Variants in RALGAPB observed in about 807,000 individuals in gnomAD.
RALGAPB encodes ral GTPase-activating protein subunit beta.
A neutral mutation model predicts 161.1 loss-of-function variants in RALGAPB; 25 were observed. The observed-to-expected ratio is 0.16, with a 90% confidence interval of 0.11 to 0.22. The LOEUF (loss-of-function observed/expected upper bound fraction) is 0.22. RALGAPB is among the 10% of genes least tolerant of loss of function. The pLI is 1.00. For synonymous variants in RALGAPB, 629 were observed against 626.1 expected, an observed-to-expected ratio of 1.00 and a Z score of -0.07; for missense variants, 1,391 against 1,815.2, an observed-to-expected ratio of 0.77 and a Z score of 4.25.
intron 13 of RALGAPB, among the ~76,000 whole-genome samples, chr20:38,530,601 CTTT>C (rs761028236): frequency 7.1e-6 from 1 of 140,952 alleles, no homozygotes. Flanking sequence ...TTTTCTTTCT[CTTT>C]TTTTTTTTTT....
At chr20:38,520,524 C>CTTTTTTTTTTTTTTT (rs775371608) in intron 9 of RALGAPB, among the ~76,000 whole-genome samples, 1 of 70,304 alleles carries the variant, frequency 1.4e-5, no homozygotes, top group African/African-American at 5.8e-5. Flanking sequence ...TGTGTTTTGG[C>CTTTTTTTTTTTTTTT]TTTTTTTTTT....
chr20:38,522,584 T>C (rs774526109), intron 10 of RALGAPB, among the ~76,000 whole-genome samples: 1 of 152,142 alleles, frequency 6.6e-6, no homozygotes, highest in Non-Finnish European at 1.5e-5. Flanking sequence ...AGTGCAGAAG[T>C]GAGGTTAATA....
rs1401256684 is a variant in RALGAPB, at chr20:38,559,062, T to TA, written c.3531+610dup. 2.0e-5 allele frequency among the ~76,000 whole-genome samples: 3 copies of TA among 152,342 alleles called. No individual in the cohort carries two copies. The East Asian group carries it at 5.8e-4, about 29-fold the overall frequency. On this transcript the variant is annotated intron_variant, in intron 23 of 29. Transcript: ENST00000262879. ...CAGAATTAATGAAAACTATGATGCT[T>TA]AGAGTCCTGAGTCTTTTGACCCTTA...
At chr20:38,535,257 T>C (rs780764284) in intron 16 of RALGAPB, 50 bp downstream of exon 16, 33 of 1,586,778 alleles carry the variant, frequency 2.1e-5, no homozygotes, top group Non-Finnish European at 2.6e-5. Context: ...GGGCCTTGGC[T>C]GTTTTTTCTG....
intron 22 of RALGAPB, among the ~76,000 whole-genome samples, chr20:38,556,626 C>T (rs192239976): frequency 1.3e-5 from 2 of 151,972 alleles, no homozygotes; most frequent in East Asian, 1.9e-4. Flanking sequence ...TGTACAAGAC[C>T]TAGAGGAAGA....
intron 5 of RALGAPB, among the ~76,000 whole-genome samples, chr20:38,500,528 C>G (rs575765654): frequency 2.0e-5 from 3 of 152,210 alleles, no homozygotes; most frequent in Non-Finnish European, 4.4e-5. Flanking sequence ...TTTTCCGTCT[C>G]TTTCCCACTC....
At chr20:38,523,938 C>T (rs781096807) in intron 10 of RALGAPB, among the ~76,000 whole-genome samples, 7 of 152,114 alleles carry the variant, frequency 4.6e-5, no homozygotes, top group African/African-American at 4.8e-5. Context: ...ATTTGGCAAT[C>T]GAGAGCCCAT....
At chr20:38,532,012 A>G (rs2145341764) in intron 14 of RALGAPB, among the ~76,000 whole-genome samples, 1 of 152,162 alleles carries the variant, frequency 6.6e-6, no homozygotes, top group South Asian at 2.1e-4. Context: ...TGTATTTGAA[A>G]GTTGCCGTTT....
rs931860244 is a variant in RALGAPB, at chr20:38,564,807, G to C, written c.3698-552G>C. ...GAAATGCCTTAAAAGCAAGAGTCCA[G>C]AGATAACGCACATGTGCACTCTCTC... On this transcript the variant is annotated intron_variant, in intron 24 of 29. Coordinates refer to ENST00000262879, the MANE Select transcript of RALGAPB (RefSeq NM_020336.4). 3.3e-5 allele frequency among the ~76,000 whole-genome samples: 5 copies of C among 152,006 alleles called. No individual in the cohort carries two copies. The East Asian group carries it at 9.6e-4, about 29-fold the overall frequency.
At position 38,567,123 on chromosome 20, in the gene RALGAPB, A is replaced by G. The variant is rs1261995859; in HGVS notation, c.3845A>G (p.Asp1282Gly). 1.9e-6 allele frequency: 3 copies of G among 1,613,440 alleles called. No individual in the cohort carries two copies. Among genetic ancestry groups the G allele is most frequent in the Non-Finnish European group, 2.5e-6 (3 of 1,179,636 alleles). Residue 1282 changes from aspartate to glycine, a missense_variant, in exon 26 of 30, where the codon GAC becomes GGC. Around this residue, in one of 3 missense-constraint regions of RALGAPB, gnomAD observed 436 missense variants for 527.0 expected, o/e 0.83. Transcript: ENST00000262879. The stretch of plus-strand genomic sequence containing the variant: ...GATTCATTGGAAAGTAACATCTCGG[A>G]CCAAGATAGTGATTCAAATATGGAT... Reference protein sequence around the residue: ...LTDSLESNISDQDSDSNMDLM... With the variant: ...LTDSLESNISGQDSDSNMDLM...
At position 38,492,811 on chromosome 20, in the gene RALGAPB, T is replaced by G. The variant is rs920397776; in HGVS notation, c.187-119T>G. 11 of 748,710 alleles carry G rather than the reference T, an allele frequency of 1.5e-5. No homozygotes were observed. In the African/African-American group the frequency reaches 1.9e-4, roughly 13 times the overall value. 46.4% of individuals were successfully genotyped at this position (748,710 alleles called of 1,614,324 possible). On this transcript the variant is annotated intron_variant, in intron 2 of 29. Transcript: ENST00000262879. ...ATCTAAAATAAATCTGATATTTACGTTGAGACGAATATACTGTCAATTTAG... is the reference window on the plus strand; with the variant it reads ...ATCTAAAATAAATCTGATATTTACGGTGAGACGAATATACTGTCAATTTAG...
At chr20:38,528,837 C>T (rs1472430277) in intron 13 of RALGAPB, among the ~76,000 whole-genome samples, 3 of 152,110 alleles carry the variant, frequency 2.0e-5, no homozygotes, top group South Asian at 2.1e-4. Context: ...CCCGCCACCA[C>T]GCCCAGCTAA....
intron 5 of RALGAPB, among the ~76,000 whole-genome samples, chr20:38,507,645 C>G (rs930390344): frequency 1.3e-5 from 2 of 152,042 alleles, no homozygotes. Flanking sequence ...TCCCAGAGTG[C>G]TGGGATTGGA....
At chr20:38,476,787 A>G (rs2084815080) in intron 1 of RALGAPB, among the ~76,000 whole-genome samples, 1 of 152,222 alleles carries the variant, frequency 6.6e-6, no homozygotes, top group Non-Finnish European at 1.5e-5. Flanking sequence ...AAAATTGTCT[A>G]GCACAAAGCC....
intron 13 of RALGAPB, among the ~76,000 whole-genome samples, chr20:38,527,215 A>G (rs953451833): frequency 7.9e-5 from 12 of 152,198 alleles, no homozygotes; most frequent in Admixed American, 2.0e-4. Flanking sequence ...TTATCTGTTC[A>G]AAAGTGGGAT....
intron 28 of RALGAPB, among the ~76,000 whole-genome samples, chr20:38,571,729 G>T (rs1273654008): frequency 6.6e-6 from 1 of 152,116 alleles, no homozygotes; most frequent in African/African-American, 2.4e-5. Context: ...CCCTGAAGTG[G>T]GATTGCTGGA....
intron 3 of RALGAPB, among the ~76,000 whole-genome samples, chr20:38,495,112 C>G (rs2085386891): frequency 6.6e-6 from 1 of 152,186 alleles, no homozygotes; most frequent in Non-Finnish European, 1.5e-5. Context: ...GTTATGATCT[C>G]ATCTCCCATT....
At chr20:38,552,233 C>T (rs1178318035) in intron 21 of RALGAPB, among the ~76,000 whole-genome samples, 4 of 151,788 alleles carry the variant, frequency 2.6e-5, no homozygotes, top group South Asian at 2.1e-4. Context: ...CTCCGCCTCC[C>T]GGGTTCAAGT....
intron 3 of RALGAPB, among the ~76,000 whole-genome samples, chr20:38,493,839 A>T (rs1020383691): frequency 6.6e-6 from 1 of 152,230 alleles, no homozygotes; most frequent in Non-Finnish European, 1.5e-5. Flanking sequence ...TAAACAGCAT[A>T]CCATGCATGA....
Sources: allele counts gnomAD v4.1 joint callset (sites outside exome capture counted in the v4.1 genomes callset), GRCh38; gene constraint gnomAD v4.1.1; regional missense constraint gnomAD v4.1.1; transcripts MANE v1.5; gene names NCBI Gene and HGNC (gene_info 2026-07-23, HGNC 2026-07-21).